Variants in MREG observed in about 807,000 individuals in gnomAD.
MREG encodes melanoregulin.
MREG carries 31 observed loss-of-function variants against 28.5 expected under a neutral mutation model. The observed-to-expected ratio is 1.09, with a 90% CI of 0.82 to 1.47. The LOEUF (loss-of-function observed/expected upper bound fraction) is 1.47. MREG is among the 40% of genes most tolerant of loss of function. MREG has a pLI of 0.00. For missense variants in MREG, 256 were observed against 257.4 expected (o/e 0.99, Z 0.04); for synonymous variants, 106 against 95.2 (o/e 1.11, Z -0.66).
At chr2:216,027,384 GAAT>G (rs2105932527) in intron 1 of MREG, among the ~76,000 whole-genome samples, 1 of 152,296 alleles carries the variant, frequency 6.6e-6, no homozygotes, top group Admixed American at 6.5e-5. Context: ...TTTGAAGTAA[GAAT>G]AATAGTCTAA....
Position 215,996,991 on chromosome 2 carries a change from G to A in MREG, c.96-526C>T, listed in dbSNP as rs567758069. On this transcript the variant is annotated intron_variant, in intron 1 of 4. Coordinates refer to ENST00000263268, the MANE Select transcript of MREG (RefSeq NM_018000.3). ...AGACAGGGTTTTGCCATGTTGGTCA[G>A]GCTGGTCTTGAACTCTTGGCCTCAA... Among the ~76,000 whole-genome samples, 41 of 152,278 alleles carry A rather than the reference G, an allele frequency of 2.7e-4. 1 individual carries two copies. Among genetic ancestry groups the A allele is most frequent in the Admixed American group, 5.9e-4 (9 of 15,298 alleles).
intron 1 of MREG, among the ~76,000 whole-genome samples, chr2:216,006,591 G>C (rs1201086124): frequency 6.6e-6 from 1 of 152,224 alleles, no homozygotes; most frequent in East Asian, 1.9e-4. Flanking sequence ...TCTGCTCAGA[G>C]ACCTGGCTCC....
Position 215,996,391 on chromosome 2 carries a change from T to G in MREG, c.170A>C (p.His57Pro), listed in dbSNP as rs1253937585. 1 of 1,613,744 alleles carries G rather than the reference T, an allele frequency of 6.2e-7. No homozygotes were observed. The highest frequency in any genetic ancestry group is 8.5e-7 in the Non-Finnish European group (1 of 1,179,628). The change falls in exon 2 of 5, where the codon CAT (histidine) becomes CCT (proline). Residue 57 changes from histidine (H) to proline (P), a missense_variant. Coordinates refer to ENST00000263268, the MANE Select transcript of MREG (RefSeq NM_018000.3). ...DDEKNLWSMP[H>P]DVSHTEADDD... is the part of the protein sequence containing the mutation. ...GTCTGCCTCTGTGTGGGACACATCA[T>G]GGGGCATACTCCATAAATTCTTCTC... is the stretch of plus-strand genomic sequence containing the variant.
At chr2:215,950,645 A>G (rs574415787) in intron 2 of MREG, among the ~76,000 whole-genome samples, 1 of 152,238 alleles carries the variant, frequency 6.6e-6, no homozygotes, top group Non-Finnish European at 1.5e-5. Context: ...ATTATACATG[A>G]AAGTATCTGG....
At chr2:215,975,026 A>ATATG (rs1268461887) in intron 2 of MREG, among the ~76,000 whole-genome samples, 8 of 145,688 alleles carry the variant, frequency 5.5e-5, no homozygotes, top group African/African-American at 2.0e-4. Flanking sequence ...ATATATATAT[A>ATATG]TGAAATAATA....
chr2:215,979,884 G>A (rs1420746684), intron 2 of MREG, among the ~76,000 whole-genome samples: 1 of 150,586 alleles, frequency 6.6e-6, no homozygotes, highest in Non-Finnish European at 1.5e-5. Context: ...GTCATCGACT[G>A]TGATTTTTTA....
upstream of MREG, among the ~76,000 whole-genome samples, chr2:216,018,124 C>T (rs1694473127): frequency 6.6e-6 from 1 of 152,078 alleles, no homozygotes; most frequent in South Asian, 2.1e-4. Context: ...GATCGCACCA[C>T]TGCACTCCAG....
At chr2:215,960,360 G>A (rs1692747434) in intron 2 of MREG, among the ~76,000 whole-genome samples, 1 of 152,198 alleles carries the variant, frequency 6.6e-6, no homozygotes, top group Admixed American at 6.5e-5. Context: ...CCAGTGCTTT[G>A]TACACAGCAG....
intron 1 of MREG, among the ~76,000 whole-genome samples, chr2:216,030,940 TCTCTCTCTCTCTCTCTCACACACACACA>T (rs1279675451): frequency 1.4e-4 from 10 of 72,516 alleles, no homozygotes; most frequent in African/African-American, 2.8e-4. Flanking sequence ...TCTCTCTCTC[TCTCTCTCTCTCTCTCTCACACACACACA>T]CACACACACA....
At chr2:215,962,194 T>A (rs535073293) in intron 2 of MREG, among the ~76,000 whole-genome samples, 1 of 152,316 alleles carries the variant, frequency 6.6e-6, no homozygotes, top group East Asian at 1.9e-4. Context: ...GCCCCTGACC[T>A]AATTCTTTAT....
upstream of MREG, among the ~76,000 whole-genome samples, chr2:216,014,584 G>A (rs1254295764): frequency 6.6e-6 from 1 of 151,830 alleles, no homozygotes; most frequent in African/African-American, 2.4e-5. Context: ...GAGAGGCGGA[G>A]GTTGCAGTGA....
At chr2:215,961,005 CACTCATTA>C (rs1692770026) in intron 2 of MREG, among the ~76,000 whole-genome samples, 1 of 152,202 alleles carries the variant, frequency 6.6e-6, no homozygotes, top group Non-Finnish European at 1.5e-5. Context: ...ACAGCTGGTG[CACTCATTA>C]ACTGTCTGCC....
Position 216,013,484 on chromosome 2 carries a change from G to C in MREG, c.-157C>G. 1 of 245,856 alleles carries C rather than the reference G, an allele frequency of 4.1e-6. No individual in the cohort carries two copies. The highest frequency in any genetic ancestry group is 7.2e-6 in the Non-Finnish European group (1 of 138,626). 15.2% of individuals were successfully genotyped at this position (245,856 alleles called of 1,614,324 possible). On this transcript the variant is annotated 5_prime_UTR_variant, in exon 1 of 5. Coordinates refer to ENST00000263268, the MANE Select transcript of MREG (RefSeq NM_018000.3). ...GTCCGCGCGCATCACGCCGCGGCCGGGGACGCGGGCGAGGGCTGCAGGCCG... is the reference window on the plus strand; with the variant it reads ...GTCCGCGCGCATCACGCCGCGGCCGCGGACGCGGGCGAGGGCTGCAGGCCG...
At chr2:215,985,888 A>C (rs1574628309) in intron 2 of MREG, among the ~76,000 whole-genome samples, 1 of 152,210 alleles carries the variant, frequency 6.6e-6, no homozygotes, top group Non-Finnish European at 1.5e-5. Flanking sequence ...TAGTAAGTGA[A>C]ATTTGGTTTT....
intron 2 of MREG, among the ~76,000 whole-genome samples, chr2:215,955,481 G>A (rs1559175677): frequency 1.3e-5 from 2 of 152,122 alleles, no homozygotes; most frequent in Admixed American, 1.3e-4. Context: ...CATGCTGCTA[G>A]GACAATGACA....
At chr2:215,974,825 G>GACACACACACAC (rs71982102) in intron 2 of MREG, among the ~76,000 whole-genome samples, 3 of 126,642 alleles carry the variant, frequency 2.4e-5, no homozygotes, top group Non-Finnish European at 3.3e-5. Flanking sequence ...CACACACACA[G>GACACACACACAC]ACACACACAC....
intron 2 of MREG, among the ~76,000 whole-genome samples, chr2:215,961,274 G>C (rs554535720): frequency 2.0e-4 from 30 of 152,318 alleles, no homozygotes; most frequent in African/African-American, 6.3e-4. Flanking sequence ...AGAAAGGTTT[G>C]TCTGTTGGTA....
rs114197239 is a variant in MREG at position 216,021,057 on chromosome 2, G to A, written c.-68+11732C>T. Reference sequence around the variant, plus strand: ...CACTAGAATCCCTAGGGATGCTTACGGAAACTCCAGATTCTTGGACCCTAT... The same window carrying A: ...CACTAGAATCCCTAGGGATGCTTACAGAAACTCCAGATTCTTGGACCCTAT... On this transcript the variant is annotated intron_variant, in intron 1 of 3. Transcript: ENST00000420348. Among the ~76,000 whole-genome samples, 489 of 152,306 alleles carry A rather than the reference G, an allele frequency of 3.2e-3. 5 individuals are homozygous for A. The highest frequency in any genetic ancestry group is 0.011 in the African/African-American group (466 of 41,550).
At position 215,944,835 on chromosome 2, in the gene MREG, A is replaced by T. The variant is rs779996399; in HGVS notation, c.*28T>A. The T allele has an allele frequency of 1.9e-6, 3 of 1,558,920 alleles. No homozygotes were observed. The highest frequency in any genetic ancestry group is 2.3e-5 in the East Asian group (1 of 43,788). ...TTGACTGCTGAGTCCTCATGGAAGA[A>T]TTCCCATTCTGCCCCTGAGCCTCTC... On this transcript the variant is annotated 3_prime_UTR_variant, in exon 5 of 5. Transcript: ENST00000263268.
Sources: gnomAD v4.1 joint callset for allele counts (sites outside exome capture counted in the v4.1 genomes callset) on GRCh38, gnomAD v4.1.1 for gene constraint, MANE v1.5 for transcripts, NCBI Gene and HGNC (gene_info 2026-07-23, HGNC 2026-07-21) for gene names.